The following SORCS2 variants were observed in gnomAD, a reference collection of about 807,000 sequenced individuals.
The protein encoded by SORCS2 is VPS10 domain-containing receptor SorCS2.
In SORCS2, 100 loss-of-function variants were observed where a neutral mutation model predicts 141.6. The ratio of observed to expected loss-of-function variants is 0.71; its 90% CI spans 0.60 to 0.83. The LOEUF (loss-of-function observed/expected upper bound fraction) is 0.83, where lower values mean the gene tolerates loss of function less well. Ranked by LOEUF, SORCS2 falls within the 40% of genes least tolerant of loss-of-function variation. SORCS2 has a pLI of 0.00. For missense variants in SORCS2, 1,646 were observed against 1,560.2 expected (o/e 1.05, Z -0.93); for synonymous variants, 789 against 676.9 (o/e 1.17, Z -2.57).
chr4:7,263,830 C>G (rs537022803), intron 1 of SORCS2, among the ~76,000 whole-genome samples: 1 of 152,206 alleles, frequency 6.6e-6, no homozygotes, highest in Non-Finnish European at 1.5e-5. Context: ...CAAGTTCCAC[C>G]CCGACGTGGA....
intron 5 of SORCS2, among the ~76,000 whole-genome samples, chr4:7,659,033 C>T (rs1025911677): frequency 3.9e-5 from 6 of 152,154 alleles, no homozygotes; most frequent in East Asian, 1.9e-4. Context: ...AATGGATAAG[C>T]GGCTTTAACA....
intron 1 of SORCS2, among the ~76,000 whole-genome samples, chr4:7,232,295 TG>T (rs1223964098): frequency 6.6e-6 from 1 of 152,160 alleles, no homozygotes; most frequent in East Asian, 1.9e-4. Flanking sequence ...AGTGACCCTG[TG>T]GCCTTTTCCT....
chr4:7,419,810 G>T (rs574705610), intron 2 of SORCS2, among the ~76,000 whole-genome samples: 2 of 152,358 alleles, frequency 1.3e-5, no homozygotes, highest in South Asian at 4.1e-4. Context: ...CTAAGAGGCA[G>T]CAAGCTATGT....
intron 1 of SORCS2, among the ~76,000 whole-genome samples, chr4:7,276,321 C>T (rs1236855413): frequency 3.9e-5 from 6 of 152,096 alleles, no homozygotes; most frequent in South Asian, 2.1e-4. Context: ...TGAGGGAGTG[C>T]CTGGAGTGCG....
intron 18 of SORCS2, among the ~76,000 whole-genome samples, chr4:7,723,354 G>T (rs879663532): frequency 2.6e-5 from 4 of 152,086 alleles, no homozygotes; most frequent in Admixed American, 6.6e-5. Context: ...TCCCTAGCAC[G>T]GGCCTCTGTG....
chr4:7,387,610 C>CACACAA (rs1491584917), intron 1 of SORCS2, among the ~76,000 whole-genome samples: 1 of 108,576 alleles, frequency 9.2e-6, no homozygotes, highest in African/African-American at 4.8e-5. Flanking sequence ...AACGCACATG[C>CACACAA]ACACACATAC....
intron 3 of SORCS2, among the ~76,000 whole-genome samples, chr4:7,582,482 C>A (rs1333564247): frequency 6.6e-6 from 1 of 152,162 alleles, no homozygotes; most frequent in African/African-American, 2.4e-5. Context: ...GCCGGAAAGG[C>A]GGCCGCCCCC....
At chr4:7,337,349 G>T (rs993428298) in intron 1 of SORCS2, among the ~76,000 whole-genome samples, 1 of 152,192 alleles carries the variant, frequency 6.6e-6, no homozygotes, top group African/African-American at 2.4e-5. Context: ...TGGCATGGGT[G>T]GTTGTCAGGG....
chr4:7,264,114 C>T (rs986866427), intron 1 of SORCS2, among the ~76,000 whole-genome samples: 1 of 152,166 alleles, frequency 6.6e-6, no homozygotes, highest in African/African-American at 2.4e-5. Flanking sequence ...GGTCACTGCG[C>T]TGAGGTTACG....
chr4:7,434,110 A>C (rs778419125), intron 2 of SORCS2: 3 of 1,612,590 alleles, frequency 1.9e-6, no homozygotes, highest in Non-Finnish European at 2.5e-6. Flanking sequence ...AGGTGCCCCT[A>C]GCTCCTCACA....
rs543994915 is a variant in SORCS2 at position 7,473,950 on chromosome 4, C to T, written c.549-57580C>T. Among the ~76,000 whole-genome samples, 4 of 152,272 alleles carry T rather than the reference C, an allele frequency of 2.6e-5. No individual in the cohort carries two copies. The South Asian group carries it at 6.2e-4, about 24-fold the overall frequency. On this transcript the variant is annotated intron_variant, in intron 2 of 26. Transcript: ENST00000507866. ...TTCAAAAGTAGCTCATTGGTGATGTCGTTACCCAGCTTTAAAAACTTCATC... is the reference window on the plus strand; with the variant it reads ...TTCAAAAGTAGCTCATTGGTGATGTTGTTACCCAGCTTTAAAAACTTCATC...
At chr4:7,292,760 G>T (rs953424178) in intron 1 of SORCS2, among the ~76,000 whole-genome samples, 1 of 152,196 alleles carries the variant, frequency 6.6e-6, no homozygotes, top group Admixed American at 6.5e-5. Flanking sequence ...TGCTGTTTTG[G>T]AGACGTTGCC....
chr4:7,337,676 G>C (rs1720072989), intron 1 of SORCS2, among the ~76,000 whole-genome samples: 1 of 152,182 alleles, frequency 6.6e-6, no homozygotes, highest in Non-Finnish European at 1.5e-5. Flanking sequence ...CCGCACGCTG[G>C]GGCAGCATTG....
At chr4:7,399,671 G>A (rs1352084922) in intron 2 of SORCS2, among the ~76,000 whole-genome samples, 1 of 152,196 alleles carries the variant, frequency 6.6e-6, no homozygotes, top group African/African-American at 2.4e-5. Context: ...TTTGAAGTGT[G>A]CAGGGCGTGC....
chr4:7,615,575 C>T (rs1216023403), intron 3 of SORCS2, among the ~76,000 whole-genome samples: 1 of 152,202 alleles, frequency 6.6e-6, no homozygotes, highest in African/African-American at 2.4e-5. Context: ...TCCACCTCCA[C>T]TCTTGCCACA....
At position 7,594,467 on chromosome 4, in the gene SORCS2, G is replaced by C. The variant is rs151093034; in HGVS notation, c.649-43861G>C. ...CTTCTTGCTTGGCTGGAAGCCCCGG[G>C]TGGGCCTGCTCCCCTCCTTGGCACT... On this transcript the variant is annotated intron_variant, in intron 3 of 26. Coordinates refer to ENST00000507866, the MANE Select transcript of SORCS2 (RefSeq NM_020777.3). Among the ~76,000 whole-genome samples, 689 of 152,336 alleles carry C rather than the reference G, an allele frequency of 4.5e-3. 5 individuals are homozygous for C. Among genetic ancestry groups the C allele is most frequent in the African/African-American group, 0.016 (654 of 41,580 alleles).
At chr4:7,307,441 G>A (rs1363330567) in intron 1 of SORCS2, among the ~76,000 whole-genome samples, 1 of 152,210 alleles carries the variant, frequency 6.6e-6, no homozygotes, top group East Asian at 1.9e-4. Context: ...GTCCACAGGG[G>A]AGGCTGTCCC....
At chr4:7,679,925 C>G (rs925975792) in intron 9 of SORCS2, among the ~76,000 whole-genome samples, 1 of 152,088 alleles carries the variant, frequency 6.6e-6, no homozygotes, top group African/African-American at 2.4e-5. Flanking sequence ...TCATGGAGAC[C>G]CAGCTGGGAT....
At chr4:7,582,927 A>T (rs1179976896) in intron 3 of SORCS2, among the ~76,000 whole-genome samples, 9 of 152,112 alleles carry the variant, frequency 5.9e-5, no homozygotes, top group African/African-American at 2.2e-4. Flanking sequence ...CTTGGGTCAG[A>T]TCCCCACCCA....
Sources: allele counts gnomAD v4.1 joint callset (sites outside exome capture counted in the v4.1 genomes callset), GRCh38; gene constraint gnomAD v4.1.1; transcripts MANE v1.5; gene names NCBI Gene and HGNC (gene_info 2026-07-23, HGNC 2026-07-21).